The following ADAMTS12 variants were observed in gnomAD, a reference collection of about 807,000 sequenced individuals.
ADAMTS12 encodes the protein ADAM metallopeptidase with thrombospondin type 1 motif 12.
In ADAMTS12, 118 loss-of-function variants were observed where a neutral mutation model predicts 167.8. The observed-to-expected ratio is 0.70, with a 90% CI of 0.61 to 0.82. ADAMTS12 has a LOEUF of 0.82. Among genes scored for constraint, ADAMTS12 ranks in the 40% least tolerant of loss-of-function variants. The probability of loss-of-function intolerance (pLI) is 0.00; values close to 1 mark genes in which losing one functional copy is unlikely to be tolerated. For missense variants in ADAMTS12, 1,916 were observed against 1,998.8 expected (o/e 0.96, Z 0.79); for synonymous variants, 704 against 716.9 (o/e 0.98, Z 0.29).
intron 12 of ADAMTS12, among the ~76,000 whole-genome samples, chr5:33,631,235 T>A (rs984602347): frequency 6.6e-6 from 1 of 152,196 alleles, no homozygotes; most frequent in Non-Finnish European, 1.5e-5. Flanking sequence ...AATAAGGCAC[T>A]GGGCATCTGG....
At chr5:33,551,722 A>G (rs1469170649) in intron 20 of ADAMTS12, among the ~76,000 whole-genome samples, 1 of 152,220 alleles carries the variant, frequency 6.6e-6, no homozygotes, top group African/African-American at 2.4e-5. Flanking sequence ...AGTGGGAAAT[A>G]AAATTTATTA....
chr5:33,810,477 T>A (rs1747416403), intron 2 of ADAMTS12, among the ~76,000 whole-genome samples: 1 of 152,186 alleles, frequency 6.6e-6, no homozygotes, highest in Non-Finnish European at 1.5e-5. Flanking sequence ...TACCCCCACA[T>A]ACGCTATTTA....
intron 2 of ADAMTS12, among the ~76,000 whole-genome samples, chr5:33,849,247 A>AAT (rs376486325): frequency 2.0e-5 from 2 of 102,048 alleles, no homozygotes; most frequent in South Asian, 6.4e-4. Flanking sequence ...ATTGCATAGC[A>AAT]ATATATATAT....
intron 14 of ADAMTS12, among the ~76,000 whole-genome samples, chr5:33,618,798 C>T (rs1488896006): frequency 1.3e-5 from 2 of 152,178 alleles, no homozygotes; most frequent in Non-Finnish European, 2.9e-5. Flanking sequence ...GTGAAGCCAT[C>T]CACAACATTG....
chr5:33,529,903 T>C (rs1480955414), intron 23 of ADAMTS12, among the ~76,000 whole-genome samples: 2 of 152,130 alleles, frequency 1.3e-5, no homozygotes, highest in Non-Finnish European at 2.9e-5. Context: ...CTGACACCCT[T>C]GGGAGTTTCA....
intron 2 of ADAMTS12, among the ~76,000 whole-genome samples, chr5:33,869,787 C>T (rs1480857572): frequency 6.6e-6 from 1 of 152,286 alleles, no homozygotes; most frequent in Non-Finnish European, 1.5e-5. Context: ...TGATAAACAT[C>T]AGGAAACAGG....
chr5:33,881,078 G>C, intron 2 of ADAMTS12, 41 bp downstream of exon 2: 1 of 1,593,128 alleles, frequency 6.3e-7, no homozygotes, highest in Non-Finnish European at 8.5e-7. Flanking sequence ...GAGACTCTAG[G>C]GGCCAGGGCA....
chr5:33,807,775 T>C (rs1724407689), intron 2 of ADAMTS12, among the ~76,000 whole-genome samples: 1 of 152,134 alleles, frequency 6.6e-6, no homozygotes, highest in African/African-American at 2.4e-5. Context: ...CAAATGAAAC[T>C]TGTGTGGAAT....
At chr5:33,573,128 T>C (rs1746478159) in intron 19 of ADAMTS12, among the ~76,000 whole-genome samples, 1 of 152,206 alleles carries the variant, frequency 6.6e-6, no homozygotes, top group South Asian at 2.1e-4. Context: ...GAAGATTCCA[T>C]GCTCATGGGT....
At position 33,637,997 on chromosome 5, in the gene ADAMTS12, C is replaced by T. The variant is rs570983874; in HGVS notation, c.1719-251G>A. 3.9e-5 allele frequency among the ~76,000 whole-genome samples: 6 copies of T among 152,232 alleles called. No homozygotes were observed. The South Asian group carries it at 6.2e-4, about 16-fold the overall frequency. ...CTGTATATCCTCCAGGTGAAATCTACGCCAAAAAAGGATACATCATTTTCC... is the reference window on the plus strand; with the variant it reads ...CTGTATATCCTCCAGGTGAAATCTATGCCAAAAAAGGATACATCATTTTCC... On this transcript the variant is annotated intron_variant, in intron 11 of 23. Coordinates refer to ENST00000504830, the MANE Select transcript of ADAMTS12 (RefSeq NM_030955.4).
chr5:33,886,546 C>CAAAGAGT (rs1307473269), intron 1 of ADAMTS12, among the ~76,000 whole-genome samples: 2 of 152,202 alleles, frequency 1.3e-5, no homozygotes, highest in African/African-American at 4.8e-5. Context: ...CTGCTCTTGG[C>CAAAGAGT]AAAGAGTATA....
At chr5:33,813,792 G>A (rs1474591857) in intron 2 of ADAMTS12, among the ~76,000 whole-genome samples, 2 of 152,312 alleles carry the variant, frequency 1.3e-5, no homozygotes, top group African/African-American at 4.8e-5. Flanking sequence ...TCCAATCCCC[G>A]TCAAGCCACC....
At chr5:33,574,636 C>T (rs768915716) in intron 19 of ADAMTS12, among the ~76,000 whole-genome samples, 39 of 152,012 alleles carry the variant, frequency 2.6e-4, no homozygotes, top group African/African-American at 8.4e-4. Context: ...TTAGGAGATA[C>T]ACTTAATGCT....
chr5:33,558,986 AAGACCAG>A (rs957183863), intron 20 of ADAMTS12, among the ~76,000 whole-genome samples: 156 of 152,282 alleles, frequency 1.0e-3, no homozygotes, highest in African/African-American at 3.6e-3. Context: ...CTCTCTTCCA[AAGACCAG>A]AGCCTTGCTT....
In ADAMTS12 at chr5:33,775,308, G is replaced by A. The variant is rs561890296; in HGVS notation, c.490-23760C>T. On this transcript the variant is annotated intron_variant, in intron 2 of 23. Coordinates refer to ENST00000504830, the MANE Select transcript of ADAMTS12 (RefSeq NM_030955.4). ...TTGGGCAACAAACGGAAGAACATAAGAGAATAGGATTTCTGAGGTGGGTAA... is the reference window on the plus strand; with the variant it reads ...TTGGGCAACAAACGGAAGAACATAAAAGAATAGGATTTCTGAGGTGGGTAA... Among the ~76,000 whole-genome samples the A allele has an allele frequency of 2.0e-5, 3 of 152,246 alleles. No homozygotes were observed. In the East Asian group the frequency reaches 5.8e-4, roughly 29 times the overall value.
intron 3 of ADAMTS12, among the ~76,000 whole-genome samples, chr5:33,707,813 G>A (rs1177421155): frequency 6.6e-6 from 1 of 152,102 alleles, no homozygotes. Context: ...CAAGATGGAT[G>A]AAGGACTTAA....
At chr5:33,800,088 C>T (rs1746941505) in intron 2 of ADAMTS12, among the ~76,000 whole-genome samples, 1 of 152,202 alleles carries the variant, frequency 6.6e-6, no homozygotes, top group Non-Finnish European at 1.5e-5. Flanking sequence ...ATGACACTGA[C>T]TTTGATGACT....
chr5:33,772,619 ATACTTCTTT>A (rs1745787384), intron 2 of ADAMTS12, among the ~76,000 whole-genome samples: 1 of 152,188 alleles, frequency 6.6e-6, no homozygotes, highest in African/African-American at 2.4e-5. Flanking sequence ...GAAAACTGAG[ATACTTCTTT>A]TCCAGGCTTC....
intron 15 of ADAMTS12, among the ~76,000 whole-genome samples, chr5:33,615,332 C>T (rs995997199): frequency 3.3e-5 from 5 of 152,176 alleles, no homozygotes; most frequent in African/African-American, 4.8e-5. Context: ...TTGCTGCTAT[C>T]GGTATATTCA....
Sources: gnomAD v4.1 joint callset for allele counts (sites outside exome capture counted in the v4.1 genomes callset) on GRCh38, gnomAD v4.1.1 for gene constraint, MANE v1.5 for transcripts, NCBI Gene and HGNC (gene_info 2026-07-23, HGNC 2026-07-21) for gene names.